The following CENPP variants were observed in gnomAD, a reference collection of about 807,000 sequenced individuals.
CENPP encodes the protein centromere protein P.
In CENPP, 24 loss-of-function variants were observed where a neutral mutation model predicts 35.6. The ratio of observed to expected loss-of-function variants is 0.67; its 90% CI spans 0.49 to 0.95. The LOEUF is 0.95. CENPP is among the 40% of genes least tolerant of loss of function. CENPP has a pLI of 0.00. For missense variants in CENPP, 332 were observed against 345.3 expected (o/e 0.96, Z 0.31); for synonymous variants, 120 against 125.5 (o/e 0.96, Z 0.29).
intron 5 of CENPP, among the ~76,000 whole-genome samples, chr9:92,518,480 G>C (rs1164225648): frequency 1.3e-5 from 2 of 152,188 alleles, no homozygotes; most frequent in Non-Finnish European, 2.9e-5. Context: ...ATGCACATGG[G>C]AATAGGTGAA....
chr9:92,428,921 C>T (rs907569329), intron 5 of CENPP, among the ~76,000 whole-genome samples: 4 of 149,220 alleles, frequency 2.7e-5, no homozygotes, highest in African/African-American at 9.7e-5. Context: ...CTCACTATGA[C>T]CTTTGAAGGA....
chr9:92,496,621 C>T (rs1016002227), intron 5 of CENPP: 12 of 1,046,142 alleles, frequency 1.1e-5, no homozygotes, highest in East Asian at 3.0e-5. Context: ...ATTCCAACTA[C>T]GTCAGAGATT....
intron 5 of CENPP, among the ~76,000 whole-genome samples, chr9:92,607,083 T>A (rs893706600): frequency 1.3e-5 from 2 of 152,246 alleles, no homozygotes; most frequent in Admixed American, 1.3e-4. Context: ...AAAGACCATA[T>A]GTAATTCCAT....
At chr9:92,454,637 T>C (rs892941218) in intron 5 of CENPP, among the ~76,000 whole-genome samples, 2 of 152,218 alleles carry the variant, frequency 1.3e-5, no homozygotes, top group South Asian at 2.1e-4. Context: ...CTTCATGATC[T>C]TTTATTTTTC....
chr9:92,603,376 C>T (rs1340294552), intron 5 of CENPP, among the ~76,000 whole-genome samples: 1 of 152,234 alleles, frequency 6.6e-6, no homozygotes, highest in Non-Finnish European at 1.5e-5. Flanking sequence ...GAAATGAGGG[C>T]AGATCATTGT....
At chr9:92,567,520 C>G (rs935232544) in intron 5 of CENPP, among the ~76,000 whole-genome samples, 13 of 151,502 alleles carry the variant, frequency 8.6e-5, no homozygotes, top group African/African-American at 3.1e-4. Context: ...AATATATTAA[C>G]TATAATCATC....
chr9:92,354,508 C>A (rs1841541488), intron 4 of CENPP, among the ~76,000 whole-genome samples: 1 of 152,016 alleles, frequency 6.6e-6, no homozygotes, highest in African/African-American at 2.4e-5. Flanking sequence ...TTATCCTATC[C>A]CTTGATTATC....
At chr9:92,359,842 T>G (rs1202360079) in intron 4 of CENPP, among the ~76,000 whole-genome samples, 1 of 151,842 alleles carries the variant, frequency 6.6e-6, no homozygotes, top group Non-Finnish European at 1.5e-5. Flanking sequence ...TAAGCTGCTC[T>G]GGTTATACTC....
At chr9:92,595,667 G>A (rs1282204627) in intron 5 of CENPP, among the ~76,000 whole-genome samples, 25 of 151,634 alleles carry the variant, frequency 1.6e-4, no homozygotes, top group Admixed American at 1.6e-3. Flanking sequence ...CTGGGTTCAA[G>A]CGATTCTCCT....
chr9:92,419,967 T>A (rs72752469), intron 5 of CENPP, among the ~76,000 whole-genome samples: 4,715 of 152,324 alleles, frequency 0.031, 114 homozygotes, highest in South Asian at 0.084. Context: ...AATTTCTTCT[T>A]CTTTTCTTGT....
At chr9:92,426,974 G>A (rs963778846) in intron 5 of CENPP, among the ~76,000 whole-genome samples, 3 of 152,088 alleles carry the variant, frequency 2.0e-5, no homozygotes, top group Admixed American at 6.5e-5. Context: ...CCAGTAAAAG[G>A]AACCAGGGCT....
chr9:92,350,191 T>A (rs1015061515), intron 4 of CENPP, among the ~76,000 whole-genome samples: 3 of 152,210 alleles, frequency 2.0e-5, no homozygotes, highest in African/African-American at 7.2e-5. Flanking sequence ...ACATTTGGAG[T>A]TATTTTTGTT....
chr9:92,580,662 T>A (rs1850398514), intron 5 of CENPP, among the ~76,000 whole-genome samples: 1 of 152,208 alleles, frequency 6.6e-6, no homozygotes, highest in Non-Finnish European at 1.5e-5. Context: ...CCTTTATCAT[T>A]TTTTATTGCA....
At chr9:92,589,332 A>C (rs1374619524) in intron 5 of CENPP, among the ~76,000 whole-genome samples, 1 of 151,802 alleles carries the variant, frequency 6.6e-6, no homozygotes, top group East Asian at 1.9e-4. Flanking sequence ...GGAGACAGCA[A>C]GACCCTGTCT....
chr9:92,393,268 A>G (rs1469450737), intron 5 of CENPP: 2 of 1,557,526 alleles, frequency 1.3e-6, no homozygotes, highest in Non-Finnish European at 1.7e-6. Context: ...AAAATCATAA[A>G]AATATGAACA....
intron 5 of CENPP, among the ~76,000 whole-genome samples, chr9:92,582,730 G>GC (rs1850457450): frequency 6.6e-6 from 1 of 151,908 alleles, no homozygotes. Flanking sequence ...CTTTTTGGTG[G>GC]CAAGTAATAG....
chr9:92,565,226 T>G lies in CENPP; in HGVS notation c.565-46088T>G, dbSNP rs1000247966. ...TGTCCAGTGTTTTGGCTTCCCTGAGTCACATTGGAAGAAGAACTGTCTTGG... is the reference window on the plus strand; with the variant it reads ...TGTCCAGTGTTTTGGCTTCCCTGAGGCACATTGGAAGAAGAACTGTCTTGG... On this transcript the variant is annotated intron_variant, in intron 5 of 7. Transcript: ENST00000375587. Among the ~76,000 whole-genome samples the G allele has an allele frequency of 2.4e-5, 3 of 127,320 alleles. No homozygotes were observed. The South Asian group carries it at 7.4e-4, about 32-fold the overall frequency. 83.5% of individuals were successfully genotyped at this position (127,320 alleles called of 152,430 possible).
rs55961127 is a variant in CENPP, at chr9:92,441,848, C to T, written c.564+61989C>T. ...TGTGGATACTGACTCAACAGACAAA[C>T]GAGTTTAAAAATTGTGGAACAGTTG... On this transcript the variant is annotated intron_variant, in intron 5 of 7. Coordinates refer to ENST00000375587, the MANE Select transcript of CENPP (RefSeq NM_001012267.3). Among the ~76,000 whole-genome samples, 64 of 152,146 alleles carry T rather than the reference C, an allele frequency of 4.2e-4. 1 individual carries two copies. Among genetic ancestry groups the T allele is most frequent in the African/African-American group, 1.3e-3 (56 of 41,488 alleles).
chr9:92,491,459 C>T (rs554744826), intron 5 of CENPP, among the ~76,000 whole-genome samples: 19 of 152,232 alleles, frequency 1.2e-4, no homozygotes, highest in African/African-American at 3.4e-4. Context: ...AGTTGAGGAT[C>T]GGAGCCCATC....
Sources: gnomAD v4.1 joint callset for allele counts (sites outside exome capture counted in the v4.1 genomes callset) on GRCh38, gnomAD v4.1.1 for gene constraint, MANE v1.5 for transcripts, NCBI Gene and HGNC (gene_info 2026-07-23, HGNC 2026-07-21) for gene names.